The following AGAP1 variants were observed in gnomAD, a reference collection of about 807,000 sequenced individuals.
AGAP1 encodes ArfGAP with GTPase domain, ankyrin repeat and PH domain 1.
In AGAP1, 29 loss-of-function variants were observed where a neutral mutation model predicts 105.3. That is an observed-to-expected ratio of 0.28 (90% CI 0.21 to 0.38). AGAP1 has a LOEUF of 0.38. Ranked by LOEUF, AGAP1 falls within the 10% of genes least tolerant of loss-of-function variation. The pLI, the probability that AGAP1 is intolerant of heterozygous loss-of-function variation, is 1.00. For synonymous variants in AGAP1, 509 were observed against 485.9 expected (o/e 1.05, Z -0.63); for missense variants, 998 against 1,165.1 (o/e 0.86, Z 2.09).
Position 235,970,304 on chromosome 2 carries a change from T to C in AGAP1, c.1645+1681T>C, listed in dbSNP as rs1170618518. Among the ~76,000 whole-genome samples, 1 of 150,778 alleles carries C rather than the reference T, an allele frequency of 6.6e-6. No homozygotes were observed. The highest frequency in any genetic ancestry group is 1.5e-5 in the Non-Finnish European group (1 of 67,826). On this transcript the variant is annotated intron_variant, in intron 13 of 17. Coordinates refer to ENST00000304032, the MANE Select transcript of AGAP1 (RefSeq NM_001037131.3). The surrounding 1 kb of genome is among the most constrained non-coding windows in gnomAD (Gnocchi z 5.4). ...GATGGTGGAAAATAATGGTTATGGG[T>C]CAGAGCAGCCACAGATGCCACTGAC...
intron 9 of AGAP1, among the ~76,000 whole-genome samples, chr2:235,871,727 G>C (rs984738830): frequency 6.6e-6 from 1 of 152,234 alleles, no homozygotes; most frequent in African/African-American, 2.4e-5. Context: ...GCTGAGACCT[G>C]TGGACAGAGC....
At chr2:235,513,201 C>T (rs947280688) in intron 1 of AGAP1, among the ~76,000 whole-genome samples, 24 of 152,012 alleles carry the variant, frequency 1.6e-4, no homozygotes, top group Non-Finnish European at 2.6e-4. Flanking sequence ...CCTCAGGTCA[C>T]GTTTTAACTG....
intron 6 of AGAP1, among the ~76,000 whole-genome samples, chr2:235,783,915 G>C (rs1317576620): frequency 6.6e-6 from 1 of 152,166 alleles, no homozygotes; most frequent in African/African-American, 2.4e-5. Context: ...AAATGTGTGG[G>C]AGTGAACTGA....
intron 6 of AGAP1, among the ~76,000 whole-genome samples, chr2:235,795,682 T>C (rs1957212704): frequency 6.6e-6 from 1 of 151,946 alleles, no homozygotes; most frequent in South Asian, 2.1e-4. Flanking sequence ...AATAGTAGAG[T>C]TTAAAAACTA....
At chr2:235,502,919 C>T (rs905820595) in intron 1 of AGAP1, among the ~76,000 whole-genome samples, 3 of 142,418 alleles carry the variant, frequency 2.1e-5, no homozygotes, top group African/African-American at 5.1e-5. Flanking sequence ...AAGGCAGAAC[C>T]GTACCTTTAG....
chr2:236,009,712 A>G lies in AGAP1; in HGVS notation c.1646-26849A>G, dbSNP rs756743875. ...AGGTAAAAAGATCCTATTAGTTCTC[A>G]TAATTGATTCTGAGGGCTGCAGCGT... On this transcript the variant is annotated intron_variant, in intron 13 of 17. Coordinates refer to ENST00000304032, the MANE Select transcript of AGAP1 (RefSeq NM_001037131.3). The surrounding 1 kb of genome is among the most constrained non-coding windows in gnomAD (Gnocchi z 4.2). 6.6e-6 allele frequency among the ~76,000 whole-genome samples: 1 copy of G among 152,164 alleles called. No homozygotes were observed. Among genetic ancestry groups the G allele is most frequent in the Non-Finnish European group, 1.5e-5 (1 of 68,030 alleles).
rs1023813146 is a variant in AGAP1, at chr2:236,044,713, G to A, written c.1891+3872G>A. On this transcript the variant is annotated intron_variant, in intron 15 of 17. Transcript: ENST00000304032. The surrounding 1 kb of genome is among the most constrained non-coding windows in gnomAD (Gnocchi z 5.7). The stretch of plus-strand genomic sequence containing the variant: ...ATAGAACCTCCGGTCCCGCAACGTC[G>A]GGTCTCCTTCCCATTGTCGCCTCTT... Among the ~76,000 whole-genome samples the A allele has an allele frequency of 5.9e-5, 9 of 152,004 alleles. No homozygotes were observed. Among genetic ancestry groups the A allele is most frequent in the South Asian group, 2.1e-4 (1 of 4,814 alleles).
intron 1 of AGAP1, among the ~76,000 whole-genome samples, chr2:235,675,967 G>T (rs1293402406): frequency 1.3e-5 from 2 of 152,188 alleles, no homozygotes; most frequent in Non-Finnish European, 2.9e-5. Flanking sequence ...AAATTATTGG[G>T]TTATACAGTT....
chr2:235,636,914 A>G (rs1024968073), intron 1 of AGAP1, among the ~76,000 whole-genome samples: 1 of 152,142 alleles, frequency 6.6e-6, no homozygotes, highest in African/African-American at 2.4e-5. Context: ...TAATGCTTCT[A>G]CAAGCCAAAA....
intron 16 of AGAP1, among the ~76,000 whole-genome samples, chr2:236,115,023 T>C (rs1576339183): frequency 1.3e-5 from 2 of 151,992 alleles, no homozygotes; most frequent in African/African-American, 4.8e-5. Context: ...GCCAAGAGCA[T>C]CCCCCCTACC....
chr2:236,059,885 G>A (rs1259872495), intron 16 of AGAP1, among the ~76,000 whole-genome samples: 1 of 152,044 alleles, frequency 6.6e-6, no homozygotes, highest in African/African-American at 2.4e-5. Context: ...GAGGTCAGGA[G>A]TTCAAGACCA....
At chr2:235,832,486 T>G (rs1021738904) in intron 9 of AGAP1, among the ~76,000 whole-genome samples, 3 of 152,264 alleles carry the variant, frequency 2.0e-5, no homozygotes, top group African/African-American at 7.2e-5. Flanking sequence ...TCCGATGAGA[T>G]AATTGCTTAG....
chr2:235,540,219 C>T (rs568721609), intron 1 of AGAP1, among the ~76,000 whole-genome samples: 9 of 147,868 alleles, frequency 6.1e-5, no homozygotes, highest in African/African-American at 1.8e-4. Flanking sequence ...GGTGCAGTCT[C>T]AGCTCACTGC....
chr2:235,907,322 T>C (rs1439321748), intron 10 of AGAP1, among the ~76,000 whole-genome samples: 1 of 152,188 alleles, frequency 6.6e-6, no homozygotes, highest in Non-Finnish European at 1.5e-5. Context: ...TAAAATTACG[T>C]TGGCTGAGCA....
chr2:235,651,841 A>G (rs948788703), intron 1 of AGAP1, among the ~76,000 whole-genome samples: 2 of 152,198 alleles, frequency 1.3e-5, no homozygotes, highest in Non-Finnish European at 2.9e-5. Flanking sequence ...TTATACTCGT[A>G]TCTTGTTCCA....
At chr2:235,707,567 C>T (rs1377683594) in intron 1 of AGAP1, among the ~76,000 whole-genome samples, 4 of 136,994 alleles carry the variant, frequency 2.9e-5, no homozygotes, top group African/African-American at 8.2e-5. Context: ...CCTGGTGGGA[C>T]GTGCTCCCCA....
intron 1 of AGAP1, among the ~76,000 whole-genome samples, chr2:235,604,570 A>ATTTT (rs1945854347): frequency 1.1e-5 from 1 of 92,664 alleles, no homozygotes; most frequent in Non-Finnish European, 2.2e-5. Context: ...TATTTTTATT[A>ATTTT]TCTTTTTTTT....
intron 5 of AGAP1, among the ~76,000 whole-genome samples, chr2:235,748,515 C>T (rs1472420442): frequency 1.3e-5 from 2 of 152,184 alleles, no homozygotes; most frequent in African/African-American, 4.8e-5. Flanking sequence ...GCCCTTTGAC[C>T]GTATCCCTGG....
chr2:235,843,553 T>C lies in AGAP1; in HGVS notation c.1050+36222T>C, dbSNP rs1264783226. Among the ~76,000 whole-genome samples the C allele has an allele frequency of 6.6e-6, 1 of 152,094 alleles. No homozygotes were observed. The highest frequency in any genetic ancestry group is 1.5e-5 in the Non-Finnish European group (1 of 68,012). On this transcript the variant is annotated intron_variant, in intron 9 of 17. Coordinates refer to ENST00000304032, the MANE Select transcript of AGAP1 (RefSeq NM_001037131.3). The surrounding 1 kb of genome is among the most constrained non-coding windows in gnomAD (Gnocchi z 5.9). ...GTGGGATGCCTCCGCCTCCCTTCGT[T>C]CCCCATTTGCAGCCTCTAGGTGCCC...
Sources: allele counts gnomAD v4.1 joint callset (sites outside exome capture counted in the v4.1 genomes callset), GRCh38; gene constraint gnomAD v4.1.1; non-coding constraint Gnocchi (gnomAD v3.1); transcripts MANE v1.5; gene names NCBI Gene and HGNC (gene_info 2026-07-23, HGNC 2026-07-21).